RGS20: variants seen among roughly 807,000 people sequenced by gnomAD.
The protein encoded by RGS20 is gz-selective GTPase-activating protein.
RGS20 carries 30 observed loss-of-function variants against 33.6 expected under a neutral mutation model. That is an observed-to-expected ratio of 0.89 (90% CI 0.67 to 1.21). The LOEUF is 1.21. Ranked by LOEUF, RGS20 falls within the 50% of genes most tolerant of loss-of-function variation. The pLI, the probability that RGS20 is intolerant of heterozygous loss-of-function variation, is 0.00. For synonymous variants in RGS20, 208 were observed against 197.9 expected, an observed-to-expected ratio of 1.05 and a Z score of -0.43; for missense variants, 472 against 502.4, an observed-to-expected ratio of 0.94 and a Z score of 0.58.
chr8:53,910,407 A>G (rs1042460385), intron 2 of RGS20, among the ~76,000 whole-genome samples: 1 of 137,442 alleles, frequency 7.3e-6, no homozygotes, highest in African/African-American at 3.0e-5. Context: ...ACTTACGCCT[A>G]TTAAAATCGC....
intron 2 of RGS20, among the ~76,000 whole-genome samples, chr8:53,900,988 C>T (rs1407637741): frequency 6.6e-6 from 1 of 152,110 alleles, no homozygotes; most frequent in East Asian, 1.9e-4. Context: ...CCTCCACACC[C>T]CTCACAGCAT....
chr8:53,931,854 G>C (rs993137457), intron 2 of RGS20, among the ~76,000 whole-genome samples: 4 of 152,102 alleles, frequency 2.6e-5, no homozygotes, highest in African/African-American at 7.2e-5. Context: ...TGCCATAAGG[G>C]ACAGAGCACT....
intron 2 of RGS20, among the ~76,000 whole-genome samples, chr8:53,933,109 A>G (rs1364287761): frequency 4.6e-5 from 7 of 152,200 alleles, no homozygotes; most frequent in African/African-American, 1.7e-4. Context: ...TCCAAAGATC[A>G]CCAACATCAA....
chr8:53,926,780 T>C (rs1219720138), intron 2 of RGS20, among the ~76,000 whole-genome samples: 3 of 151,880 alleles, frequency 2.0e-5, no homozygotes, highest in Admixed American at 2.0e-4. Context: ...GGTGTGGTGG[T>C]GGGCGCCTGT....
In RGS20 at chr8:53,947,857, A is replaced by ATATTTATATATG. The variant is rs1364641911; in HGVS notation, c.743+1109_743+1110insTATTTATATATG. Among the ~76,000 whole-genome samples, 61 of 138,190 alleles carry ATATTTATATATG rather than the reference A, an allele frequency of 4.4e-4. 1 individual carries two copies. Among genetic ancestry groups the ATATTTATATATG allele is most frequent in the African/African-American group, 1.4e-3 (54 of 38,402 alleles). 90.7% of individuals were successfully genotyped at this position (138,190 alleles called of 152,430 possible). On this transcript the variant is annotated intron_variant, in intron 4 of 5. Coordinates refer to ENST00000297313, the MANE Select transcript of RGS20 (RefSeq NM_170587.4). ...ATGCTATATATAGGATATAGTATAT[A>ATATTTATATATG]CATTTATATATGCTATATATAAGAT...
At chr8:53,892,537 A>C (rs1812741374) in intron 2 of RGS20, among the ~76,000 whole-genome samples, 1 of 152,226 alleles carries the variant, frequency 6.6e-6, no homozygotes, top group African/African-American at 2.4e-5. Flanking sequence ...TTTATGCTTC[A>C]GATTGCAGTT....
At chr8:53,900,401 C>T (rs1261842805) in intron 2 of RGS20, among the ~76,000 whole-genome samples, 2 of 152,136 alleles carry the variant, frequency 1.3e-5, no homozygotes, top group Non-Finnish European at 2.9e-5. Flanking sequence ...CTCAGCCTCC[C>T]AAAGTGCTGA....
chr8:53,945,707 G>C (rs896205727), intron 3 of RGS20, among the ~76,000 whole-genome samples: 1 of 152,140 alleles, frequency 6.6e-6, no homozygotes, highest in Non-Finnish European at 1.5e-5. Context: ...CTTGAGGTTA[G>C]GAGTTTGAAA....
intron 1 of RGS20, among the ~76,000 whole-genome samples, chr8:53,868,534 C>A (rs993543765): frequency 2.0e-5 from 3 of 151,900 alleles, no homozygotes; most frequent in African/African-American, 7.3e-5. Flanking sequence ...TTTATAGGAA[C>A]ATTTTATAAA....
chr8:53,875,525 G>A (rs1445955854), intron 1 of RGS20, among the ~76,000 whole-genome samples: 6 of 151,074 alleles, frequency 4.0e-5, no homozygotes, highest in African/African-American at 7.3e-5. Flanking sequence ...TACCTATGGC[G>A]AGAACAGAGG....
chr8:53,866,251 A>T (rs1231138371), intron 1 of RGS20, among the ~76,000 whole-genome samples: 3 of 152,206 alleles, frequency 2.0e-5, no homozygotes, highest in East Asian at 3.8e-4. Flanking sequence ...TGACAGAAAG[A>T]TGGGTAGACA....
At chr8:53,956,567 C>A (rs1287920616) in intron 5 of RGS20, among the ~76,000 whole-genome samples, 2 of 152,082 alleles carry the variant, frequency 1.3e-5, no homozygotes, top group African/African-American at 4.8e-5. Context: ...TGAGGCAAAC[C>A]CCACCGTCTC....
chr8:53,856,277 G>A (rs545702649), intron 1 of RGS20, among the ~76,000 whole-genome samples: 7 of 149,886 alleles, frequency 4.7e-5, no homozygotes, highest in African/African-American at 9.9e-5. Flanking sequence ...GTGCAGTGGC[G>A]TGATCTCAGC....
At chr8:53,871,112 CAAAAAAAAAAAAAAA>C (rs370091533) in intron 1 of RGS20, among the ~76,000 whole-genome samples, 1 of 21,464 alleles carries the variant, frequency 4.7e-5, no homozygotes, top group Non-Finnish European at 1.3e-4. Flanking sequence ...CTCCATCTCA[CAAAAAAAAAAAAAAA>C]AAAAAAAAAA....
intron 2 of RGS20, among the ~76,000 whole-genome samples, chr8:53,889,414 T>C (rs202113720): frequency 0.091 from 4,057 of 44,398 alleles, 284 homozygotes; most frequent in African/African-American, 0.37. Flanking sequence ...CTCTCTCTCT[T>C]TTTTTTTTTT....
chr8:53,949,376 TCAAG>T (rs1814646593), intron 4 of RGS20, among the ~76,000 whole-genome samples: 1 of 149,724 alleles, frequency 6.7e-6, no homozygotes, highest in African/African-American at 2.4e-5. Context: ...TATATCCTTC[TCAAG>T]CAAACATGAA....
chr8:53,899,947 CT>C (rs1345806146), intron 2 of RGS20, among the ~76,000 whole-genome samples: 1 of 152,122 alleles, frequency 6.6e-6, no homozygotes, highest in African/African-American at 2.4e-5. Context: ...AGGTGCTCTG[CT>C]TGGTGAACTG....
intron 2 of RGS20, chr8:53,914,013 T>C (rs1813417166): frequency 6.6e-6 from 1 of 151,998 alleles, no homozygotes; most frequent in Admixed American, 6.6e-5. Flanking sequence ...TTCCTTCTTT[T>C]CTTTTCTCTT....
At chr8:53,905,992 T>C (rs1813157472) in intron 2 of RGS20, among the ~76,000 whole-genome samples, 1 of 152,186 alleles carries the variant, frequency 6.6e-6, no homozygotes, top group African/African-American at 2.4e-5. Flanking sequence ...TTCATTCGAC[T>C]TCCAGTTCTG....
Sources: gnomAD v4.1 joint callset for allele counts (sites outside exome capture counted in the v4.1 genomes callset) on GRCh38, gnomAD v4.1.1 for gene constraint, MANE v1.5 for transcripts, NCBI Gene and HGNC (gene_info 2026-07-23, HGNC 2026-07-21) for gene names.